The following LAPTM4B variants were observed in gnomAD, a reference collection of about 807,000 sequenced individuals.
The protein encoded by LAPTM4B is lysosomal protein transmembrane 4 beta, also known as lysosomal-associated transmembrane protein 4B.
A neutral mutation model predicts 28.5 loss-of-function variants in LAPTM4B; 26 were observed. The observed-to-expected ratio is 0.91, with a 90% CI of 0.67 to 1.27. The LOEUF is 1.27. LAPTM4B is among the 50% of genes most tolerant of loss of function. The pLI is 0.00. For synonymous variants in LAPTM4B, 109 were observed against 106.4 expected, an observed-to-expected ratio of 1.02 and a Z score of -0.15; for missense variants, 288 against 285.8, an observed-to-expected ratio of 1.01 and a Z score of -0.06.
intron 1 of LAPTM4B, among the ~76,000 whole-genome samples, chr8:97,784,857 G>A (rs1160383018): frequency 6.6e-6 from 1 of 152,126 alleles, no homozygotes; most frequent in Non-Finnish European, 1.5e-5. Context: ...AGCTCTTAGT[G>A]GTATGAATAA....
intron 6 of LAPTM4B, among the ~76,000 whole-genome samples, chr8:97,829,725 T>C (rs1046943685): frequency 1.3e-5 from 2 of 151,396 alleles, no homozygotes; most frequent in African/African-American, 4.8e-5. Context: ...AGAGTCTTGC[T>C]CTGTAGCCCA....
chr8:97,850,367 T>C (rs1817503934), intron 6 of LAPTM4B, among the ~76,000 whole-genome samples: 1 of 151,446 alleles, frequency 6.6e-6, no homozygotes, highest in African/African-American at 2.4e-5. Flanking sequence ...GGATAGGCAC[T>C]GGCCCACCCT....
intron 1 of LAPTM4B, among the ~76,000 whole-genome samples, chr8:97,802,808 T>C (rs1002770010): frequency 2.6e-5 from 4 of 152,198 alleles, no homozygotes; most frequent in East Asian, 1.9e-4. Flanking sequence ...ATTAGTTATA[T>C]GTATATGTAT....
intron 6 of LAPTM4B, among the ~76,000 whole-genome samples, chr8:97,831,189 A>G (rs932307547): frequency 6.6e-6 from 1 of 152,120 alleles, no homozygotes; most frequent in Admixed American, 6.5e-5. Flanking sequence ...TGCTTGGGTG[A>G]TCTGACTAAT....
chr8:97,847,763 G>C (rs946811059), intron 6 of LAPTM4B, among the ~76,000 whole-genome samples: 3 of 152,166 alleles, frequency 2.0e-5, no homozygotes, highest in Non-Finnish European at 4.4e-5. Flanking sequence ...TTTAAAACTA[G>C]TCCCACGTGG....
chr8:97,786,122 G>T (rs545470333), intron 1 of LAPTM4B, among the ~76,000 whole-genome samples: 2 of 152,270 alleles, frequency 1.3e-5, no homozygotes, highest in Admixed American at 1.3e-4. Flanking sequence ...GTGAGCCCTA[G>T]CAACTCTCCT....
Position 97,846,573 on chromosome 8 carries a change from C to T in LAPTM4B, c.604-4824C>T, listed in dbSNP as rs149773857. On this transcript the variant is annotated intron_variant, in intron 6 of 6. Coordinates refer to ENST00000521545, the MANE Select transcript of LAPTM4B (RefSeq NM_018407.6). ...AACTCTCGACCTCAGGTGATCTGCC[C>T]ACCTCAGTCTCCCAGAGTACTGGAA... 4.9e-3 allele frequency among the ~76,000 whole-genome samples: 740 copies of T among 152,206 alleles called. 9 individuals are homozygous for T. Among genetic ancestry groups the T allele is most frequent in the African/African-American group, 0.017 (712 of 41,504 alleles).
intron 6 of LAPTM4B, among the ~76,000 whole-genome samples, chr8:97,839,075 T>C (rs1158607640): frequency 6.6e-6 from 1 of 152,140 alleles, no homozygotes; most frequent in East Asian, 1.9e-4. Context: ...GCTCCTGAGA[T>C]TTTTCTCCCA....
chr8:97,816,312 A>ATT, intron 4 of LAPTM4B, 132 bp downstream of exon 4: 4 of 878,406 alleles, frequency 4.6e-6, no homozygotes, highest in African/African-American at 1.7e-5. Context: ...CTCATAGGAA[A>ATT]TTTCTTTTTT....
intron 6 of LAPTM4B, among the ~76,000 whole-genome samples, chr8:97,850,295 T>G (rs1437612562): frequency 6.6e-6 from 1 of 151,958 alleles, no homozygotes; most frequent in African/African-American, 2.4e-5. Flanking sequence ...CCATACAGGC[T>G]TTTCGGGGGC....
chr8:97,806,110 A>C (rs78018191), intron 2 of LAPTM4B, among the ~76,000 whole-genome samples: 1 of 152,230 alleles, frequency 6.6e-6, no homozygotes, highest in Non-Finnish European at 1.5e-5. Flanking sequence ...TTTCTTAAAA[A>C]GTGTTGGAGC....
intron 1 of LAPTM4B, among the ~76,000 whole-genome samples, chr8:97,782,946 A>ATTTATTTAT (rs1816345174): frequency 1.4e-5 from 2 of 141,832 alleles, no homozygotes; most frequent in Non-Finnish European, 3.0e-5. Context: ...TTATTTATTT[A>ATTTATTTAT]TTTTTTAGTA....
At chr8:97,818,475 C>T (rs1382640238) in intron 4 of LAPTM4B, among the ~76,000 whole-genome samples, 1 of 152,184 alleles carries the variant, frequency 6.6e-6, no homozygotes, top group East Asian at 1.9e-4. Flanking sequence ...CGGCAACTCC[C>T]TCTAACCATA....
intron 1 of LAPTM4B, among the ~76,000 whole-genome samples, chr8:97,779,590 G>A (rs1240699028): frequency 2.1e-5 from 3 of 144,024 alleles, no homozygotes; most frequent in African/African-American, 7.3e-5. Flanking sequence ...TTCTAGACCA[G>A]CCTGGGCAAC....
At chr8:97,796,644 A>G (rs11777388) in intron 1 of LAPTM4B, among the ~76,000 whole-genome samples, 47,916 of 152,116 alleles carry the variant, frequency 0.31, 8,695 homozygotes, top group Non-Finnish European at 0.41. Context: ...TTACAGATAG[A>G]AATGTCCGGG....
chr8:97,792,860 G>C (rs1248231689), intron 1 of LAPTM4B, among the ~76,000 whole-genome samples: 1 of 152,208 alleles, frequency 6.6e-6, no homozygotes, highest in Non-Finnish European at 1.5e-5. Flanking sequence ...TTACAGGCGT[G>C]AGCCATTGCG....
chr8:97,803,435 T>C (rs13260583), intron 1 of LAPTM4B, among the ~76,000 whole-genome samples: 66,427 of 151,176 alleles, frequency 0.44, 15,128 homozygotes, highest in East Asian at 0.57. Context: ...TCCACCACCA[T>C]GCCCAACTAA....
chr8:97,815,967 T>A, intron 3 of LAPTM4B, 91 bp from the exon 4 acceptor site: 1 of 1,270,038 alleles, frequency 7.9e-7, no homozygotes, highest in Non-Finnish European at 1.1e-6. Context: ...TTTTTCCATT[T>A]CCTTTCAGAT....
At chr8:97,787,530 C>T (rs895575310) in intron 1 of LAPTM4B, among the ~76,000 whole-genome samples, 23 of 152,228 alleles carry the variant, frequency 1.5e-4, no homozygotes, top group Admixed American at 1.3e-3. Flanking sequence ...ATGATCCATC[C>T]GCCTCGGCCT....
Sources: allele counts gnomAD v4.1 joint callset (sites outside exome capture counted in the v4.1 genomes callset), GRCh38; gene constraint gnomAD v4.1.1; transcripts MANE v1.5; gene names NCBI Gene and HGNC (gene_info 2026-07-23, HGNC 2026-07-21).